FBXL7: variants seen among roughly 807,000 people sequenced by gnomAD.
The protein encoded by FBXL7 is F-box and leucine rich repeat protein 7.
Under a neutral mutation model 38.3 loss-of-function variants are expected in FBXL7, and 12 were observed. The observed-to-expected ratio is 0.31, with a 90% confidence interval of 0.20 to 0.51. FBXL7 has a LOEUF of 0.51. FBXL7 is among the 20% of genes least tolerant of loss of function. FBXL7 has a pLI of 0.98. For synonymous variants in FBXL7, 297 were observed against 300.9 expected (o/e 0.99, Z 0.13); for missense variants, 567 against 676.4 (o/e 0.84, Z 1.79).
chr5:15,919,959 G>A (rs556784275), intron 2 of FBXL7, among the ~76,000 whole-genome samples: 13 of 152,084 alleles, frequency 8.5e-5, no homozygotes, highest in Non-Finnish European at 1.8e-4. Context: ...AGGAGGTGGG[G>A]TAAAAATATT....
At chr5:15,518,973 C>T (rs1057354756) in intron 1 of FBXL7, among the ~76,000 whole-genome samples, 4 of 152,012 alleles carry the variant, frequency 2.6e-5, no homozygotes, top group Non-Finnish European at 5.9e-5. Context: ...AACTTGCAGT[C>T]CGGTGAGGAG....
intron 2 of FBXL7, among the ~76,000 whole-genome samples, chr5:15,874,991 TC>T (rs1281611780): frequency 6.6e-5 from 10 of 152,302 alleles, no homozygotes; most frequent in Non-Finnish European, 1.5e-4. Flanking sequence ...GCTGGAGGCA[TC>T]ACGCTACCTG....
At chr5:15,683,899 A>G (rs1331116821) in intron 2 of FBXL7, among the ~76,000 whole-genome samples, 1 of 152,078 alleles carries the variant, frequency 6.6e-6, no homozygotes, top group East Asian at 1.9e-4. Flanking sequence ...ATGTCCTTAA[A>G]TTTCCATTTC....
intron 2 of FBXL7, among the ~76,000 whole-genome samples, chr5:15,773,114 GT>G (rs1561121174): frequency 2.0e-5 from 3 of 152,028 alleles, no homozygotes; most frequent in African/African-American, 7.2e-5. Context: ...AAGGCTGGTT[GT>G]TTTAAACTCT....
At chr5:15,521,956 T>A (rs1737107313) in intron 1 of FBXL7, among the ~76,000 whole-genome samples, 1 of 152,234 alleles carries the variant, frequency 6.6e-6, no homozygotes, top group African/African-American at 2.4e-5. Context: ...GAAAATACCA[T>A]TTTCATTGCT....
At chr5:15,543,429 A>C (rs1450997954) in intron 1 of FBXL7, among the ~76,000 whole-genome samples, 1 of 152,212 alleles carries the variant, frequency 6.6e-6, no homozygotes, top group Non-Finnish European at 1.5e-5. Context: ...TTACAATTCA[A>C]GGTGAGATTT....
At chr5:15,670,693 C>T (rs534494949) in intron 2 of FBXL7, among the ~76,000 whole-genome samples, 22 of 152,052 alleles carry the variant, frequency 1.4e-4, no homozygotes, top group African/African-American at 4.6e-4. Flanking sequence ...CCCAGTTACT[C>T]GGGAGGCTGA....
intron 2 of FBXL7, among the ~76,000 whole-genome samples, chr5:15,809,414 C>A (rs947787474): frequency 4.6e-5 from 7 of 152,100 alleles, no homozygotes; most frequent in Non-Finnish European, 7.4e-5. Flanking sequence ...AAATATATTT[C>A]TTTCTACAAA....
chr5:15,821,410 A>G (rs1370196106), intron 2 of FBXL7, among the ~76,000 whole-genome samples: 1 of 152,170 alleles, frequency 6.6e-6, no homozygotes, highest in Non-Finnish European at 1.5e-5. Flanking sequence ...GACAGCTCTC[A>G]AAAACCCGTC....
At chr5:15,559,120 G>C (rs1213048441) in intron 1 of FBXL7, among the ~76,000 whole-genome samples, 2 of 152,266 alleles carry the variant, frequency 1.3e-5, no homozygotes, top group East Asian at 3.9e-4. Context: ...TTGCATTTTG[G>C]GGAGAAGAAT....
chr5:15,681,265 A>G (rs1742834168), intron 2 of FBXL7, among the ~76,000 whole-genome samples: 1 of 152,228 alleles, frequency 6.6e-6, no homozygotes, highest in Admixed American at 6.5e-5. Context: ...ATTTCCTTAC[A>G]TGTTTATTAA....
chr5:15,750,868 T>C (rs1736136055), intron 2 of FBXL7, among the ~76,000 whole-genome samples: 1 of 152,138 alleles, frequency 6.6e-6, no homozygotes, highest in African/African-American at 2.4e-5. Flanking sequence ...CTCATGTAGG[T>C]GGACTGCAGA....
chr5:15,916,696 C>A (rs1335973758), intron 2 of FBXL7, among the ~76,000 whole-genome samples: 1 of 152,162 alleles, frequency 6.6e-6, no homozygotes, highest in Non-Finnish European at 1.5e-5. Context: ...TTCACAATTA[C>A]AATATTCCTT....
At chr5:15,846,130 G>T (rs955005413) in intron 2 of FBXL7, among the ~76,000 whole-genome samples, 1 of 152,186 alleles carries the variant, frequency 6.6e-6, no homozygotes, top group South Asian at 2.1e-4. Context: ...CAAATATGTA[G>T]ATAACAAACA....
chr5:15,656,613 G>C (rs1211477013), intron 2 of FBXL7, among the ~76,000 whole-genome samples: 1 of 151,940 alleles, frequency 6.6e-6, no homozygotes, highest in African/African-American at 2.4e-5. Context: ...TGGGAGTTAC[G>C]GCAGCTACAA....
chr5:15,656,547 TGG>T (rs1346470688), intron 2 of FBXL7, among the ~76,000 whole-genome samples: 1 of 152,150 alleles, frequency 6.6e-6, no homozygotes, highest in Non-Finnish European at 1.5e-5. Flanking sequence ...AACAGTATGG[TGG>T]AAACTGCCCC....
At chr5:15,559,762 C>T (rs750260193) in intron 1 of FBXL7, among the ~76,000 whole-genome samples, 3 of 152,164 alleles carry the variant, frequency 2.0e-5, no homozygotes, top group Non-Finnish European at 2.9e-5. Context: ...ATTGCTTTGG[C>T]AATAAAACGC....
In FBXL7 at chr5:15,830,485, AACACACAC is replaced by A. The variant is rs57825713; in HGVS notation, c.128-97372_128-97365del. Among the ~76,000 whole-genome samples the A allele has an allele frequency of 3.8e-3, 543 of 144,246 alleles. 6 individuals carry two copies. The highest frequency in any genetic ancestry group is 0.013 in the African/African-American group (497 of 38,746). The allele number at this position is 144,246 out of a possible 152,430, so 94.6% of individuals were successfully genotyped here. A position where few individuals can be genotyped will look rare whatever the true frequency, so the allele number is the denominator to read the frequency against. On this transcript the variant is annotated intron_variant, in intron 2 of 3. Transcript: ENST00000504595. ...GGCGACAGAGTGAGACTCCATCTAA[AACACACAC>A]ACACACACACACACACACACACACA...
intron 2 of FBXL7, among the ~76,000 whole-genome samples, chr5:15,904,078 T>G (rs1741297968): frequency 6.6e-6 from 1 of 152,188 alleles, no homozygotes; most frequent in South Asian, 2.1e-4. Flanking sequence ...AGAGTATCTC[T>G]AAATCTTCGT....
Sources: gnomAD v4.1 joint callset for allele counts (sites outside exome capture counted in the v4.1 genomes callset) on GRCh38, gnomAD v4.1.1 for gene constraint, MANE v1.5 for transcripts, NCBI Gene and HGNC (gene_info 2026-07-23, HGNC 2026-07-21) for gene names.